The following DYSF variants were observed in gnomAD, a reference collection of about 807,000 sequenced individuals.
DYSF encodes the protein dystrophy-associated fer-1-like 1.
Under a neutral mutation model 274.9 loss-of-function variants are expected in DYSF, and 212 were observed. The ratio of observed to expected loss-of-function variants is 0.77; its 90% CI spans 0.69 to 0.86. The LOEUF is 0.86. Among genes scored for constraint, DYSF ranks in the 40% least tolerant of loss-of-function variants. DYSF has a pLI of 0.00. For synonymous variants in DYSF, 1,091 were observed against 1,078.7 expected, an observed-to-expected ratio of 1.01 and a Z score of -0.22; for missense variants, 2,666 against 2,783.2, an observed-to-expected ratio of 0.96 and a Z score of 0.95.
chr2:71,553,178 A>G lies in DYSF; in HGVS notation c.1974A>G (p.Ala658=). The G allele has an allele frequency of 6.2e-7, 1 of 1,614,092 alleles. No homozygotes were observed. The highest frequency in any genetic ancestry group is 1.7e-5 in the Admixed American group (1 of 60,022). ...PLASTTQYSR[A]VFDGCHYYYL... ...CCTCCACCACTCAGTACAGCCGTGC[A>G]GTCTTTGACGGTGAGGCAGTGCTCC... Residue 658 remains alanine, a synonymous_variant, in exon 20 of 56, where the codon GCA becomes GCG. Coordinates refer to ENST00000410020, the MANE Select transcript of DYSF (RefSeq NM_001130987.2).
At chr2:71,586,937 CT>C (rs767989708) in intron 30 of DYSF, among the ~76,000 whole-genome samples, 2 of 152,176 alleles carry the variant, frequency 1.3e-5, no homozygotes, top group Admixed American at 6.5e-5. Flanking sequence ...AGTCCACCCC[CT>C]ATCCTCCCTA....
intron 35 of DYSF, among the ~76,000 whole-genome samples, chr2:71,601,996 A>G (rs1011297348): frequency 1.3e-5 from 2 of 152,202 alleles, no homozygotes; most frequent in African/African-American, 4.8e-5. Context: ...CTTCTCACAC[A>G]TGCACGAGTT....
intron 3 of DYSF, among the ~76,000 whole-genome samples, chr2:71,484,001 A>T (rs575945647): frequency 8.1e-5 from 11 of 135,652 alleles, no homozygotes; most frequent in African/African-American, 3.0e-4. Flanking sequence ...TTTCATTTTC[A>T]TTATCTTATT....
At chr2:71,639,003 C>A (rs572005437) in intron 41 of DYSF, among the ~76,000 whole-genome samples, 59 of 152,294 alleles carry the variant, frequency 3.9e-4, no homozygotes, top group African/African-American at 1.4e-3. Context: ...TATTATCTGA[C>A]TTTATGATGA....
chr2:71,524,026 C>T (rs903964801), intron 12 of DYSF, among the ~76,000 whole-genome samples: 6 of 152,160 alleles, frequency 3.9e-5, no homozygotes, highest in African/African-American at 9.7e-5. Flanking sequence ...TCATGGGCCC[C>T]GTCTGTGGCC....
chr2:71,534,812 G>C (rs528643769), intron 14 of DYSF, among the ~76,000 whole-genome samples: 1 of 152,152 alleles, frequency 6.6e-6, no homozygotes, highest in African/African-American at 2.4e-5. Flanking sequence ...CCACTCCCCA[G>C]CTCTGGGTCT....
At position 71,589,547 on chromosome 2, in the gene DYSF, C is replaced by G. The variant is rs1213761374; in HGVS notation, c.3403-46C>G. The G allele has an allele frequency of 5.8e-6, 9 of 1,557,948 alleles. No individual in the cohort carries two copies. The East Asian group carries it at 2.0e-4, about 35-fold the overall frequency. ...CTCTGGGCTAGTCTCCCTGCCACCC[C>G]CAGGCCTGGGGGCAGAATCTGCCAT... On this transcript the variant is annotated intron_variant, in intron 30 of 55. Coordinates refer to ENST00000410020, the MANE Select transcript of DYSF (RefSeq NM_001130987.2).
In DYSF at chr2:71,593,463, G is replaced by A. The variant is rs537891751; in HGVS notation, c.3574+3175G>A. 4.5e-4 allele frequency among the ~76,000 whole-genome samples: 68 copies of A among 152,230 alleles called. 1 individual carries two copies. Among genetic ancestry groups the A allele is most frequent in the African/African-American group, 1.6e-3 (65 of 41,546 alleles). On this transcript the variant is annotated intron_variant, in intron 32 of 55. Coordinates refer to ENST00000410020, the MANE Select transcript of DYSF (RefSeq NM_001130987.2). ...TGACTTCTTTTTGTTGTTGGGGTGG[G>A]GTTCCCACTGCTTTGTGAACATCTG...
intron 3 of DYSF, among the ~76,000 whole-genome samples, chr2:71,483,306 G>A (rs1256183695): frequency 6.6e-6 from 1 of 152,196 alleles, no homozygotes; most frequent in East Asian, 1.9e-4. Context: ...ACCTTCCAAC[G>A]CAGACACTGT....
chr2:71,455,172 C>T (rs970195989), intron 1 of DYSF, among the ~76,000 whole-genome samples: 2 of 152,236 alleles, frequency 1.3e-5, no homozygotes, highest in African/African-American at 4.8e-5. Flanking sequence ...CATGCACACC[C>T]TGGAGCGTGT....
chr2:71,484,292 A>G (rs2083191975), intron 3 of DYSF, among the ~76,000 whole-genome samples: 1 of 152,000 alleles, frequency 6.6e-6, no homozygotes, highest in Non-Finnish European at 1.5e-5. Context: ...ACCTCAGGTG[A>G]TCCTCCTGGC....
intron 3 of DYSF, among the ~76,000 whole-genome samples, chr2:71,495,290 A>T (rs1487827054): frequency 6.6e-6 from 1 of 152,214 alleles, no homozygotes; most frequent in Non-Finnish European, 1.5e-5. Flanking sequence ...AGATGAGGAA[A>T]CAGTCTCAGA....
intron 40 of DYSF, among the ~76,000 whole-genome samples, chr2:71,614,812 G>C (rs2093847146): frequency 6.6e-6 from 1 of 152,194 alleles, no homozygotes; most frequent in Non-Finnish European, 1.5e-5. Flanking sequence ...TCTGGCTACT[G>C]TCTGTATGGA....
At chr2:71,679,285 C>G in intron 53 of DYSF, 50 bp downstream of exon 53, 1 of 1,579,374 alleles carries the variant, frequency 6.3e-7, no homozygotes, top group Non-Finnish European at 8.7e-7. Flanking sequence ...GAAGCTTCTT[C>G]CATAGAAATT....
At chr2:71,574,100 G>A (rs1424836267) in intron 29 of DYSF, 98 bp from the exon 30 acceptor site, 39 of 1,457,740 alleles carry the variant, frequency 2.7e-5, no homozygotes, top group Middle Eastern at 2.3e-4. Flanking sequence ...AGCTGGTGGG[G>A]AGTTGTCATG....
At chr2:71,482,098 G>T in intron 3 of DYSF, 128 bp downstream of exon 3, 1 of 734,216 alleles carries the variant, frequency 1.4e-6, no homozygotes, top group Non-Finnish European at 2.3e-6. Flanking sequence ...CTCCTCCCAT[G>T]GGACTGGCCC....
chr2:71,684,219 G>A (rs184138800), intron 55 of DYSF, among the ~76,000 whole-genome samples: 1 of 152,368 alleles, frequency 6.6e-6, no homozygotes, highest in East Asian at 1.9e-4. Context: ...CAAGGGAGAC[G>A]AGATTACAAA....
chr2:71,553,098 G>C lies in DYSF; in HGVS notation c.1894G>C (p.Glu632Gln), dbSNP rs1291928032. The C allele has an allele frequency of 1.2e-6, 2 of 1,614,182 alleles. No homozygotes were observed. Among genetic ancestry groups the C allele is most frequent in the Non-Finnish European group, 1.7e-6 (2 of 1,180,046 alleles). Residue 632 changes from glutamate to glutamine, a missense_variant, in exon 20 of 56, where the codon GAG becomes CAG. By Grantham distance (29) the Glu-to-Gln change is conservative (BLOSUM62 2). Transcript: ENST00000410020. ...GGATGTGGATGATGCCATCCAGTTT[G>C]AGGTCAGCATCGGGAACTACGGGAA... ...LQDVDDAIQF[E>Q]VSIGNYGNKF...
chr2:71,636,451 A>C (rs1363177834), intron 41 of DYSF, among the ~76,000 whole-genome samples: 1 of 152,122 alleles, frequency 6.6e-6, no homozygotes, highest in African/African-American at 2.4e-5. Context: ...CTGATGGATT[A>C]AGTGCAGGTC....
Sources: allele counts gnomAD v4.1 joint callset (sites outside exome capture counted in the v4.1 genomes callset), GRCh38; gene constraint gnomAD v4.1.1; transcripts MANE v1.5; gene names NCBI Gene and HGNC (gene_info 2026-07-23, HGNC 2026-07-21).